Variants in MS4A4A observed in about 807,000 individuals in gnomAD.
MS4A4A encodes membrane-spanning 4-domains subfamily A member 4A.
MS4A4A carries 26 observed loss-of-function variants against 28.0 expected under a neutral mutation model. The ratio of observed to expected loss-of-function variants is 0.93; its 90% CI spans 0.68 to 1.29. MS4A4A has a LOEUF of 1.29. Ranked by LOEUF, MS4A4A falls within the 50% of genes most tolerant of loss-of-function variation. MS4A4A has a pLI of 0.00. For missense variants in MS4A4A, 290 were observed against 293.1 expected, an observed-to-expected ratio of 0.99 and a Z score of 0.08; for synonymous variants, 86 against 100.8, an observed-to-expected ratio of 0.85 and a Z score of 0.88.
intron 1 of MS4A4A, among the ~76,000 whole-genome samples, chr11:60,289,264 A>G (rs1002710603): frequency 6.6e-6 from 1 of 152,150 alleles, no homozygotes; most frequent in Non-Finnish European, 1.5e-5. Context: ...AGGTAGCTCC[A>G]TCAGCTGAGC....
At chr11:60,301,472 T>A (rs2084952328) in intron 4 of MS4A4A, among the ~76,000 whole-genome samples, 1 of 152,160 alleles carries the variant, frequency 6.6e-6, no homozygotes, top group Non-Finnish European at 1.5e-5. Context: ...ATAAAAGAAA[T>A]TCACAATAAG....
At chr11:60,286,035 C>A (rs1176051889) in intron 1 of MS4A4A, among the ~76,000 whole-genome samples, 1 of 152,102 alleles carries the variant, frequency 6.6e-6, no homozygotes, top group Non-Finnish European at 1.5e-5. Flanking sequence ...TCCATAGGCA[C>A]CCCCTGGGAA....
At chr11:60,282,481 G>C in intron 1 of MS4A4A, 1 of 898,688 alleles carries the variant, frequency 1.1e-6, no homozygotes, top group Non-Finnish European at 1.5e-6. Context: ...TCCACATGTG[G>C]GCAATGGTGG....
chr11:60,306,218 A>G lies in MS4A4A; in HGVS notation c.648+17A>G, dbSNP rs372066533. On this transcript the variant is annotated intron_variant, in intron 6 of 6. Coordinates refer to ENST00000337908, the MANE Select transcript of MS4A4A (RefSeq NM_148975.3). ...CCTGGTGGGGTGAGTATTGGCCTTCATTTGAAGATGACTGTATTAGTTTTC... is the reference window on the plus strand; with the variant it reads ...CCTGGTGGGGTGAGTATTGGCCTTCGTTTGAAGATGACTGTATTAGTTTTC... 5 of 1,579,978 alleles carry G rather than the reference A, an allele frequency of 3.2e-6. No homozygotes were observed. The African/African-American group carries it at 5.4e-5, about 17-fold the overall frequency.
chr11:60,288,229 T>A (rs534777215), intron 1 of MS4A4A, among the ~76,000 whole-genome samples: 99 of 152,352 alleles, frequency 6.5e-4, no homozygotes, highest in African/African-American at 2.4e-3. Flanking sequence ...GCGAAAGCCA[T>A]GCCCCTACAA....
chr11:60,306,590 G>A (rs1302535477), intron 6 of MS4A4A, among the ~76,000 whole-genome samples: 1 of 152,150 alleles, frequency 6.6e-6, no homozygotes, highest in Non-Finnish European at 1.5e-5. Context: ...TAAACTGAAA[G>A]TCAACTAGTT....
chr11:60,293,935 G>A (rs2084879352), intron 2 of MS4A4A, among the ~76,000 whole-genome samples: 2 of 152,208 alleles, frequency 1.3e-5, no homozygotes, highest in Admixed American at 6.5e-5. Flanking sequence ...AAATATCTGT[G>A]TGCAGGTCAT....
intron 1 of MS4A4A, among the ~76,000 whole-genome samples, chr11:60,288,838 T>A (rs1347315462): frequency 6.6e-6 from 1 of 152,176 alleles, no homozygotes; most frequent in African/African-American, 2.4e-5. Context: ...TCCAGGGAAC[T>A]AGTCAGTTCT....
chr11:60,307,972 C>A, intron 6 of MS4A4A, 135 bp from the exon 7 acceptor site: 1 of 791,054 alleles, frequency 1.3e-6, no homozygotes. Context: ...ACTGAGAAAC[C>A]CCACATACTT....
intron 4 of MS4A4A, among the ~76,000 whole-genome samples, chr11:60,301,801 C>T (rs780628445): frequency 6.6e-6 from 1 of 152,088 alleles, no homozygotes; most frequent in Non-Finnish European, 1.5e-5. Context: ...TTTTTTGAGA[C>T]AGAGTTTCAC....
At chr11:60,308,038 T>A in intron 6 of MS4A4A, 69 bp from the exon 7 acceptor site, 1 of 1,312,460 alleles carries the variant, frequency 7.6e-7, no homozygotes, top group Non-Finnish European at 1.1e-6. Context: ...GATGACTTTA[T>A]GTGGGCAGGA....
intron 4 of MS4A4A, among the ~76,000 whole-genome samples, 200 bp from the exon 5 acceptor site, chr11:60,302,359 T>C (rs542553522): frequency 1.3e-5 from 2 of 152,308 alleles, no homozygotes; most frequent in Admixed American, 1.3e-4. Context: ...TCTGAAGAAT[T>C]GAAGCTGCGG....
chr11:60,288,030 G>A (rs2084817927), intron 1 of MS4A4A, among the ~76,000 whole-genome samples: 1 of 152,146 alleles, frequency 6.6e-6, no homozygotes, highest in Non-Finnish European at 1.5e-5. Flanking sequence ...GGTTGGCGTT[G>A]CATGCTAGTG....
At chr11:60,290,616 A>G (rs1283381212) in intron 1 of MS4A4A, among the ~76,000 whole-genome samples, 1 of 151,834 alleles carries the variant, frequency 6.6e-6, no homozygotes, top group African/African-American at 2.4e-5. Flanking sequence ...TTTTAAAAGA[A>G]ATACTTATTT....
intron 1 of MS4A4A, among the ~76,000 whole-genome samples, chr11:60,284,294 A>C (rs535384209): frequency 6.6e-6 from 1 of 152,344 alleles, no homozygotes; most frequent in South Asian, 2.1e-4. Context: ...TAAATGCTAA[A>C]TACATATTGA....
In MS4A4A at chr11:60,302,700, A is replaced by G; in HGVS notation, c.529A>G (p.Thr177Ala). ...YYGNSNNCHG[T>A]MSILMGLDGM... is the part of the protein sequence containing the mutation. ...TGGCAACTCAAATAATTGTCATGGG[A>G]CTATGTCCATCTTAATGGTTGGTAC... Residue 177 changes from threonine to alanine, a missense_variant, in exon 5 of 7, where the codon ACT (threonine) becomes GCT (alanine). Physicochemically the swap from Thr to Ala is moderately conservative, Grantham distance 58. Transcript: ENST00000337908. 1 of 1,613,816 alleles carries G rather than the reference A, an allele frequency of 6.2e-7. No homozygotes were observed. The highest frequency in any genetic ancestry group is 8.5e-7 in the Non-Finnish European group (1 of 1,179,746).
chr11:60,287,117 C>T (rs1053928350), intron 1 of MS4A4A, among the ~76,000 whole-genome samples: 5 of 152,158 alleles, frequency 3.3e-5, no homozygotes, highest in Non-Finnish European at 2.9e-5. Context: ...GTGACAATAA[C>T]AATGTTTGTT....
At chr11:60,307,272 G>C (rs2085011351) in intron 6 of MS4A4A, among the ~76,000 whole-genome samples, 1 of 152,112 alleles carries the variant, frequency 6.6e-6, no homozygotes, top group South Asian at 2.1e-4. Flanking sequence ...CCTCACAGAA[G>C]AGTGGGGGTT....
Position 60,280,672 on chromosome 11 carries a change from C to G in MS4A4A, c.-4C>G, listed in dbSNP as rs2084747784. 1 of 1,613,564 alleles carries G rather than the reference C, an allele frequency of 6.2e-7. No individual in the cohort carries two copies. The highest frequency in any genetic ancestry group is 1.1e-5 in the South Asian group (1 of 91,030). On this transcript the variant is annotated 5_prime_UTR_variant, in exon 1 of 7. Transcript: ENST00000337908. ...AACTTTGAGGAACTTGCCCAGAGCC[C>G]TGCATGCATCAGACCTACAGCAGAC... is the stretch of plus-strand genomic sequence containing the variant.
Sources: gnomAD v4.1 joint callset for allele counts (sites outside exome capture counted in the v4.1 genomes callset) on GRCh38, gnomAD v4.1.1 for gene constraint, MANE v1.5 for transcripts, NCBI Gene and HGNC (gene_info 2026-07-23, HGNC 2026-07-21) for gene names.